SLC38A2: variants seen among roughly 807,000 people sequenced by gnomAD.
SLC38A2 encodes the protein solute carrier family 38 member 2.
SLC38A2 carries 11 observed loss-of-function variants against 61.5 expected under a neutral mutation model. The observed-to-expected ratio is 0.18, with a 90% confidence interval of 0.11 to 0.30. The LOEUF is 0.30. SLC38A2 is among the 10% of genes least tolerant of loss of function. The pLI is 1.00. For synonymous variants in SLC38A2, 217 were observed against 212.5 expected, an observed-to-expected ratio of 1.02 and a Z score of -0.18; for missense variants, 522 against 600.4, an observed-to-expected ratio of 0.87 and a Z score of 1.36.
In SLC38A2 at chr12:46,370,790, A is replaced by C; in HGVS notation, c.184T>G (p.Tyr62Asp). ...LLESNLGKKKYETEFHPGTTS... is the reference protein window; with the variant it reads ...LLESNLGKKKDETEFHPGTTS... The stretch of plus-strand genomic sequence containing the variant: ...TTTTAACTTACAAATTCTGTTTCAT[A>C]CTTCTTCTTCCCCAAATTCGATTCA... The change falls in exon 3 of 16, where the codon TAT becomes GAT. Residue 62 changes from tyrosine to aspartate, a missense_variant. Tyr to Asp is a radical substitution (Grantham distance 160). This residue lies in a region of SLC38A2 where 102 missense variants were observed against 83.1 expected (regional missense o/e 1.23). Coordinates refer to ENST00000256689, the MANE Select transcript of SLC38A2 (RefSeq NM_018976.5). The C allele has an allele frequency of 1.2e-6, 2 of 1,612,742 alleles. No homozygotes were observed. The highest frequency in any genetic ancestry group is 1.7e-6 in the Non-Finnish European group (2 of 1,179,156).
In SLC38A2 at chr12:46,361,212, G is replaced by A; in HGVS notation, c.1423-3C>T. ...CCACTTAACAGGAAGAACAAAGCCT[G>A]CAAAGAGCATAGAGAAAATTGATCA... is the stretch of plus-strand genomic sequence containing the variant. On this transcript the variant is annotated splice_polypyrimidine_tract_variant and splice_region_variant and intron_variant, in intron 15 of 15. Transcript: ENST00000256689. The A allele has an allele frequency of 6.2e-7, 1 of 1,611,424 alleles. No homozygotes were observed.
chr12:46,367,762 C>A (rs1463278735), intron 4 of SLC38A2, among the ~76,000 whole-genome samples: 3 of 152,172 alleles, frequency 2.0e-5, no homozygotes, highest in Admixed American at 2.0e-4. Flanking sequence ...CTAAACCCAG[C>A]CCACAAGGTT....
At chr12:46,371,137 C>T in intron 2 of SLC38A2, 41 bp downstream of exon 2, 2 of 1,562,922 alleles carry the variant, frequency 1.3e-6, no homozygotes, top group Non-Finnish European at 1.8e-6. Context: ...GAACCCAACC[C>T]ATGCAAGCCG....
chr12:46,366,810 C>A, intron 7 of SLC38A2, 54 bp downstream of exon 7: 1 of 1,453,792 alleles, frequency 6.9e-7, no homozygotes. Context: ...AAAAATGTAT[C>A]TAACCACTTT....
Position 46,363,786 on chromosome 12 carries a change from A to G in SLC38A2, c.994T>C (p.Phe332Leu), listed in dbSNP as rs1342197609. Residue 332 changes from phenylalanine (F) to leucine (L), a missense_variant, in exon 12 of 16, where the codon TTT becomes CTT. By Grantham distance (22) the Phe-to-Leu change is conservative. Transcript: ENST00000256689. Reference sequence around the variant, plus strand: ...AGATACATGAGAAACATAGCAAAAAATGAAATCTTGGACACATTCATCATT... The same window carrying G: ...AGATACATGAGAAACATAGCAAAAAGTGAAATCTTGGACACATTCATCATT... ...RRMMNVSKIS[F>L]FAMFLMYLLA... 5 of 1,597,092 alleles carry G rather than the reference A, an allele frequency of 3.1e-6. No homozygotes were observed. In the African/African-American group the frequency reaches 5.4e-5, roughly 17 times the overall value.
chr12:46,364,264 T>C, intron 10 of SLC38A2, 125 bp downstream of exon 10: 1 of 1,060,136 alleles, frequency 9.4e-7, no homozygotes. Context: ...CAGTCCTCAA[T>C]AATTAGCTAA....
At chr12:46,365,705 C>CA (rs1943132647) in intron 7 of SLC38A2, among the ~76,000 whole-genome samples, 1 of 151,972 alleles carries the variant, frequency 6.6e-6, no homozygotes, top group South Asian at 2.1e-4. Context: ...CTGCCCCCCC[C>CA]ATAAAAAAAA....
chr12:46,361,330 G>C (rs978208292), intron 15 of SLC38A2, 121 bp from the exon 16 acceptor site: 5 of 763,048 alleles, frequency 6.6e-6, no homozygotes, highest in Admixed American at 2.8e-5. Flanking sequence ...TCTATAGAAA[G>C]AATATTTAAC....
chr12:46,367,363 T>C (rs768978807), intron 4 of SLC38A2, 23 bp from the exon 5 acceptor site: 5 of 1,293,864 alleles, frequency 3.9e-6, no homozygotes, highest in Non-Finnish European at 5.6e-6. Context: ...GGAAAAGGCA[T>C]AGGGTTATAA....
chr12:46,364,718 G>A lies in SLC38A2; in HGVS notation c.647-16C>T. 2 of 1,594,332 alleles carry A rather than the reference G, an allele frequency of 1.3e-6. No individual in the cohort carries two copies. The highest frequency in any genetic ancestry group is 1.8e-5 in the Admixed American group (1 of 56,784). On this transcript the variant is annotated splice_polypyrimidine_tract_variant and intron_variant, in intron 8 of 15. Transcript: ENST00000256689. ...CCCAAATATCCTATAAGGAGGGGTG[G>A]CAGGAATCAGTATTAGTTTAATGAA...
At position 46,359,928 on chromosome 12, in the gene SLC38A2, TATATC is replaced by T. The variant is rs1269821204; in HGVS notation, c.*1178_*1182del. On this transcript the variant is annotated 3_prime_UTR_variant, in exon 16 of 16. Transcript: ENST00000256689. ...CCCAGTGGCCTACGCAAAGAGAACTTATATCATATCAAACATAGGTGTAACCTGTG... is the reference window on the plus strand; with the variant it reads ...CCCAGTGGCCTACGCAAAGAGAACTTATATCAAACATAGGTGTAACCTGTG... 6.5e-5 allele frequency: 10 copies of T among 152,674 alleles called. No individual in the cohort carries two copies. Among genetic ancestry groups the T allele is most frequent in the South Asian group, 2.1e-4 (1 of 4,834 alleles). The allele number at this position is 152,674 out of a possible 1,614,324, so 9.5% of individuals were successfully genotyped here.
intron 7 of SLC38A2, among the ~76,000 whole-genome samples, chr12:46,366,390 A>AGGTGTGGATTTTCCACTTGTAGTGTCAT: frequency 6.6e-6 from 1 of 152,160 alleles, no homozygotes; most frequent in Non-Finnish European, 1.5e-5. Context: ...TCACGAGATC[A>AGGTGTGGATTTTCCACTTGTAGTGTCAT]GGTGTGGATT....
chr12:46,364,623 TAA>T lies in SLC38A2; in HGVS notation c.705+19_705+20del. On this transcript the variant is annotated intron_variant, in intron 9 of 15. Coordinates refer to ENST00000256689, the MANE Select transcript of SLC38A2 (RefSeq NM_018976.5). ...GGCAGGGCTTATAAAAAATTTTTTC[TAA>T]AAAAAAAATCATACCCACCACAATC... 1.4e-6 allele frequency: 2 copies of T among 1,467,872 alleles called. No homozygotes were observed. Among genetic ancestry groups the T allele is most frequent in the Admixed American group, 1.9e-5 (1 of 51,504 alleles). The allele number at this position is 1,467,872 out of a possible 1,614,324, so 90.9% of individuals were successfully genotyped here. A position where few individuals can be genotyped will look rare whatever the true frequency, so the allele number is the denominator to read the frequency against.
chr12:46,361,820 T>C (rs1943084674), intron 15 of SLC38A2: 1 of 157,026 alleles, frequency 6.4e-6, no homozygotes, highest in Admixed American at 6.4e-5. Context: ...TGTCACCAAC[T>C]GGTACTACAC....
At chr12:46,370,908 C>T (rs1592207953) in intron 2 of SLC38A2, 51 bp from the exon 3 acceptor site, 2 of 1,367,786 alleles carry the variant, frequency 1.5e-6, no homozygotes, top group Non-Finnish European at 2.0e-6. Flanking sequence ...AAATATCTAT[C>T]ATTACACACA....
chr12:46,364,459 A>G lies in SLC38A2; in HGVS notation c.803T>C (p.Val268Ala). The G allele has an allele frequency of 6.2e-7, 1 of 1,612,822 alleles. No homozygotes were observed. Among genetic ancestry groups the G allele is most frequent in the Non-Finnish European group, 8.5e-7 (1 of 1,179,370 alleles). Residue 268 changes from valine to alanine, a missense_variant, in exon 10 of 16, where the codon GTA becomes GCA. Val to Ala is a moderately conservative substitution (Grantham distance 64, BLOSUM62 0). This residue lies in a region of SLC38A2 where 309 missense variants were observed against 343.9 expected (regional missense o/e 0.90). Coordinates refer to ENST00000256689, the MANE Select transcript of SLC38A2 (RefSeq NM_018976.5). ...AGTCACGTTATGTGACAAAGCAGGT[A>G]CAAGAGCTGTTGGCTGTGTTAAGGT... ...NTTLTQPTAL[V>A]PALSHNVTEN...
rs1943089551 is a variant in SLC38A2 at position 46,362,286 on chromosome 12, C to T, written c.1420G>A (p.Gly474Arg). 6.2e-7 allele frequency: 1 copy of T among 1,600,148 alleles called. No individual in the cohort carries two copies. Among genetic ancestry groups the T allele is most frequent in the Admixed American group, 1.7e-5 (1 of 57,514 alleles). The part of the protein sequence containing the change: ...KEPMKSVQKI[G>R]ALFFLLSGVL... ...TATGGTTATAATCTTTCACTCACCC[C>T]AATCTTTTGTACAGATTTCATAGGT... is the stretch of plus-strand genomic sequence containing the variant. Residue 474 changes from glycine to arginine, a missense_variant and splice_region_variant, in exon 15 of 16, where the codon GGG (glycine) becomes AGG (arginine). Around this residue, in one of 3 missense-constraint regions of SLC38A2, gnomAD observed 309 missense variants for 343.9 expected, o/e 0.90. Coordinates refer to ENST00000256689, the MANE Select transcript of SLC38A2 (RefSeq NM_018976.5).
Position 46,360,823 on chromosome 12 carries a change from G to C in SLC38A2, c.*288C>G, listed in dbSNP as rs1943073064. 2.9e-6 allele frequency: 1 copy of C among 341,990 alleles called. No homozygotes were observed. The highest frequency in any genetic ancestry group is 2.1e-5 in the African/African-American group (1 of 47,016). The allele number at this position is 341,990 out of a possible 1,614,324, so 21.2% of individuals were successfully genotyped here. A position where few individuals can be genotyped will look rare whatever the true frequency, so the allele number is the denominator to read the frequency against. On this transcript the variant is annotated 3_prime_UTR_variant, in exon 16 of 16. Coordinates refer to ENST00000256689, the MANE Select transcript of SLC38A2 (RefSeq NM_018976.5). ...AATGACACAGCCAAGCATGTGGCTT[G>C]ATAAAAGTTAAGAGTTTGTCCATTC...
At chr12:46,367,043 G>A (rs779621055) in intron 6 of SLC38A2, 33 bp downstream of exon 6, 10 of 1,607,982 alleles carry the variant, frequency 6.2e-6, no homozygotes, top group Non-Finnish European at 8.5e-6. Context: ...TGAGCATAAA[G>A]TCTACCCAAA....
Sources: gnomAD v4.1 joint callset for allele counts (sites outside exome capture counted in the v4.1 genomes callset) on GRCh38, gnomAD v4.1.1 for gene constraint, gnomAD v4.1.1 regional missense constraint, MANE v1.5 for transcripts, NCBI Gene and HGNC (gene_info 2026-07-23, HGNC 2026-07-21) for gene names.